Variants in WDR7 observed in about 807,000 individuals in gnomAD.
WDR7 encodes WD repeat-containing protein 7.
A neutral mutation model predicts 169.4 loss-of-function variants in WDR7; 46 were observed. The observed-to-expected ratio is 0.27, with a 90% CI of 0.21 to 0.35. The LOEUF (loss-of-function observed/expected upper bound fraction) is 0.35, where lower values mean the gene tolerates loss of function less well. WDR7 is among the 10% of genes least tolerant of loss of function. The pLI is 1.00. For missense variants in WDR7, 1,534 were observed against 1,859.3 expected, an observed-to-expected ratio of 0.83 and a Z score of 3.22; for synonymous variants, 612 against 666.8, an observed-to-expected ratio of 0.92 and a Z score of 1.27.
intron 1 of WDR7, among the ~76,000 whole-genome samples, chr18:56,667,661 T>G (rs1228866754): frequency 6.6e-6 from 1 of 152,240 alleles, no homozygotes; most frequent in Admixed American, 6.5e-5. Flanking sequence ...TAGAAAGCTT[T>G]CAGTATTTAA....
At chr18:56,903,156 A>G (rs956220130) in intron 21 of WDR7, among the ~76,000 whole-genome samples, 2 of 152,158 alleles carry the variant, frequency 1.3e-5, no homozygotes, top group Admixed American at 1.3e-4. Flanking sequence ...AACATACTAG[A>G]GAGTACCTCA....
At chr18:56,659,206 A>G (rs1209184143) in intron 1 of WDR7, among the ~76,000 whole-genome samples, 2 of 152,216 alleles carry the variant, frequency 1.3e-5, no homozygotes, top group Non-Finnish European at 2.9e-5. Flanking sequence ...TATGTTAATG[A>G]CATTTTGATT....
In WDR7 at chr18:57,017,323, G is replaced by T. The variant is rs139824809; in HGVS notation, c.4165-3422G>T. Among the ~76,000 whole-genome samples the T allele has an allele frequency of 3.3e-5, 5 of 152,316 alleles. No individual in the cohort carries two copies. In the East Asian group the frequency reaches 9.7e-4, roughly 29 times the overall value. On this transcript the variant is annotated intron_variant, in intron 26 of 27. Transcript: ENST00000254442. ...GGTGCTTGCTCTTACGAGACAGCAGGTCTGTCTGTCAGCTGCAGTCAGCAC... is the reference window on the plus strand; with the variant it reads ...GGTGCTTGCTCTTACGAGACAGCAGTTCTGTCTGTCAGCTGCAGTCAGCAC...
intron 20 of WDR7, chr18:56,873,739 C>T (rs1435274814): frequency 2.0e-5 from 3 of 152,214 alleles, no homozygotes; most frequent in Admixed American, 1.3e-4. Context: ...ATAACCAGAG[C>T]TGTGCTCATC....
At chr18:56,739,508 A>G (rs949607088) in intron 14 of WDR7, among the ~76,000 whole-genome samples, 1 of 152,098 alleles carries the variant, frequency 6.6e-6, no homozygotes, top group African/African-American at 2.4e-5. Flanking sequence ...AATATTATTT[A>G]ATATTCTTAT....
At chr18:56,929,489 C>T (rs1159044808) in intron 22 of WDR7, among the ~76,000 whole-genome samples, 2 of 152,160 alleles carry the variant, frequency 1.3e-5, no homozygotes, top group African/African-American at 2.4e-5. Context: ...TTTTCAACAT[C>T]ATCTGATCCA....
intron 26 of WDR7, among the ~76,000 whole-genome samples, chr18:57,016,990 G>C (rs1353235564): frequency 6.6e-6 from 1 of 152,176 alleles, no homozygotes; most frequent in Non-Finnish European, 1.5e-5. Flanking sequence ...GTTGAAACTT[G>C]TTTGTTTTTT....
At chr18:56,944,816 T>A (rs905115366) in intron 25 of WDR7, among the ~76,000 whole-genome samples, 12 of 152,218 alleles carry the variant, frequency 7.9e-5, no homozygotes, top group South Asian at 4.1e-4. Context: ...TTCATTTATA[T>A]CGCACTTTGC....
intron 14 of WDR7, among the ~76,000 whole-genome samples, chr18:56,732,851 T>G (rs966455957): frequency 1.3e-5 from 2 of 152,226 alleles, no homozygotes; most frequent in African/African-American, 4.8e-5. Context: ...TGTAATTTGA[T>G]TTTGAGCAAA....
At chr18:56,672,390 C>G in intron 1 of WDR7, 107 bp from the exon 2 acceptor site, 1 of 718,420 alleles carries the variant, frequency 1.4e-6, no homozygotes, top group Non-Finnish European at 1.9e-6. Flanking sequence ...GTAATTCACT[C>G]CCAGGAATAT....
chr18:56,728,813 C>A (rs1020512750), intron 13 of WDR7, among the ~76,000 whole-genome samples: 1 of 152,282 alleles, frequency 6.6e-6, no homozygotes, highest in East Asian at 1.9e-4. Flanking sequence ...GATGCACATG[C>A]TTCTGGGGCT....
chr18:56,807,707 A>G (rs1599061030), intron 19 of WDR7, among the ~76,000 whole-genome samples: 1 of 151,738 alleles, frequency 6.6e-6, no homozygotes, highest in Non-Finnish European at 1.5e-5. Flanking sequence ...GAAAAAATGT[A>G]TTTCATTTGT....
intron 26 of WDR7, among the ~76,000 whole-genome samples, chr18:56,974,148 T>G (rs1420341395): frequency 6.6e-6 from 1 of 152,152 alleles, no homozygotes; most frequent in African/African-American, 2.4e-5. Context: ...ATTTTTGTGT[T>G]TTTTCCCATC....
intron 2 of WDR7, 83 bp from the exon 3 acceptor site, chr18:56,679,248 AT>A (rs1458083611): frequency 2.5e-5 from 28 of 1,134,630 alleles, no homozygotes; most frequent in Middle Eastern, 2.0e-4. Flanking sequence ...CTAGTCTTCT[AT>A]TTTACTATGG....
chr18:56,730,911 T>C (rs2026570975), intron 13 of WDR7, among the ~76,000 whole-genome samples: 1 of 152,262 alleles, frequency 6.6e-6, no homozygotes, highest in African/African-American at 2.4e-5. Flanking sequence ...ATGTAGAAAT[T>C]ATAATATTTT....
intron 26 of WDR7, among the ~76,000 whole-genome samples, chr18:56,967,428 A>G (rs1438090302): frequency 1.3e-5 from 2 of 151,982 alleles, no homozygotes; most frequent in Admixed American, 6.6e-5. Flanking sequence ...CTAACTCCCT[A>G]TGAAGAAGTG....
rs369346485 is a variant in WDR7 at position 56,935,375 on chromosome 18, C to T, written c.3714-413C>T. On this transcript the variant is annotated intron_variant, in intron 22 of 27. Coordinates refer to ENST00000254442, the MANE Select transcript of WDR7 (RefSeq NM_015285.3). ...TTTTATAGACAGGAGTGAATCTTGC[C>T]TTCCTTTCAGATATACAACCTTACA... is the stretch of plus-strand genomic sequence containing the variant. Among the ~76,000 whole-genome samples, 258 of 152,244 alleles carry T rather than the reference C, an allele frequency of 1.7e-3. 1 individual carries two copies. Among genetic ancestry groups the T allele is most frequent in the African/African-American group, 6.0e-3 (249 of 41,534 alleles).
At chr18:56,653,198 C>A (rs1018969953) in intron 1 of WDR7, among the ~76,000 whole-genome samples, 8 of 151,664 alleles carry the variant, frequency 5.3e-5, no homozygotes, top group Non-Finnish European at 7.4e-5. Context: ...CCCCTGCCTG[C>A]ATTTTTCGTT....
chr18:56,959,323 G>A (rs1339853629), intron 25 of WDR7, among the ~76,000 whole-genome samples: 3 of 152,130 alleles, frequency 2.0e-5, no homozygotes, highest in African/African-American at 7.2e-5. Context: ...TACTCTGACT[G>A]CATGCGGACA....
Sources: gnomAD v4.1 joint callset for allele counts (sites outside exome capture counted in the v4.1 genomes callset) on GRCh38, gnomAD v4.1.1 for gene constraint, MANE v1.5 for transcripts, NCBI Gene and HGNC (gene_info 2026-07-23, HGNC 2026-07-21) for gene names.